The following PFKFB4 variants were observed in gnomAD, a reference collection of about 807,000 sequenced individuals.
PFKFB4 encodes the protein 6-phosphofructo-2-kinase/fructose-2,6-biphosphatase 4.
A neutral mutation model predicts 62.8 loss-of-function variants in PFKFB4; 42 were observed. That is an observed-to-expected ratio of 0.67 (90% confidence interval 0.52 to 0.86). The LOEUF (loss-of-function observed/expected upper bound fraction) is 0.86. Ranked by LOEUF, PFKFB4 falls within the 40% of genes least tolerant of loss-of-function variation. The pLI, the probability that PFKFB4 is intolerant of heterozygous loss-of-function variation, is 0.00. For missense variants in PFKFB4, 475 were observed against 627.2 expected (o/e 0.76, Z 2.59); for synonymous variants, 204 against 240.7 (o/e 0.85, Z 1.41).
At chr3:48,558,120 A>T (rs377003558), upstream of PFKFB4, among the ~76,000 whole-genome samples, 5 of 152,130 alleles carry the variant, frequency 3.3e-5, no homozygotes, top group Admixed American at 6.5e-5. Flanking sequence ...GCCTTTTACT[A>T]TATTTGTATC....
chr3:48,538,079 C>T (rs1256704652), intron 7 of PFKFB4, among the ~76,000 whole-genome samples: 1 of 152,290 alleles, frequency 6.6e-6, no homozygotes, highest in African/African-American at 2.4e-5. Flanking sequence ...TTTACTGGAA[C>T]ACAGCTATGC....
intron 9 of PFKFB4, among the ~76,000 whole-genome samples, chr3:48,529,553 C>G (rs1318493372): frequency 1.3e-5 from 2 of 152,162 alleles, no homozygotes; most frequent in African/African-American, 2.4e-5. Flanking sequence ...AGGGAAGACA[C>G]TGTCCTATAA....
rs1409244354 is a variant in PFKFB4, at chr3:48,519,423, C to T, written c.*324G>A. 1 of 326,552 alleles carries T rather than the reference C, an allele frequency of 3.1e-6. No individual in the cohort carries two copies. Among genetic ancestry groups the T allele is most frequent in the Non-Finnish European group, 5.7e-6 (1 of 174,358 alleles). 20.2% of individuals were successfully genotyped at this position (326,552 alleles called of 1,614,324 possible). ...TTTCACATTGTAGGGTTTCACACTT[C>T]ACAAAGCCAACTGAGCTGGCGAGAG... On this transcript the variant is annotated 3_prime_UTR_variant, in exon 14 of 14. Coordinates refer to ENST00000232375, the MANE Select transcript of PFKFB4 (RefSeq NM_004567.4).
upstream of PFKFB4, chr3:48,556,810 T>TA: frequency 4.4e-6 from 7 of 1,578,724 alleles, no homozygotes; most frequent in Non-Finnish European, 5.2e-6. The surrounding 1 kb of genome is among the most constrained non-coding windows in gnomAD (Gnocchi z 5.7). Flanking sequence ...CTGCGCCGCT[T>TA]CCAACCCAGC....
intron 9 of PFKFB4, among the ~76,000 whole-genome samples, chr3:48,527,141 C>T (rs2042288034): frequency 6.6e-6 from 1 of 152,070 alleles, no homozygotes; most frequent in Admixed American, 6.6e-5. Context: ...GGGAGCATGG[C>T]CCCGCTGACG....
intron 4 of PFKFB4, among the ~76,000 whole-genome samples, chr3:48,540,071 C>T (rs887639111): frequency 6.6e-6 from 1 of 152,226 alleles, no homozygotes; most frequent in Non-Finnish European, 1.5e-5. Flanking sequence ...CTGCTCTGCA[C>T]ACAGTGGGCA....
Position 48,519,785 on chromosome 3 carries a change from G to T in PFKFB4, c.1372C>A (p.Pro458Thr). The change falls in exon 14 of 14, where the codon CCA becomes ACA. Residue 458 changes from proline to threonine, a missense_variant. By Grantham distance (38) the Pro-to-Thr change is conservative. Coordinates refer to ENST00000232375, the MANE Select transcript of PFKFB4 (RefSeq NM_004567.4). ...RPQNVDISRP[P>T]EEALVTVPAH... ...GGCACCGTGACAAGGGCTTCCTCTG[G>T]AGGTCTTGAGATGTCCACGTTCTGT... The T allele has an allele frequency of 6.2e-7, 1 of 1,613,830 alleles. No homozygotes were observed. The highest frequency in any genetic ancestry group is 8.5e-7 in the Non-Finnish European group (1 of 1,179,802).
intron 4 of PFKFB4, among the ~76,000 whole-genome samples, chr3:48,542,165 T>C (rs2042820178): frequency 6.6e-6 from 1 of 151,528 alleles, no homozygotes; most frequent in Non-Finnish European, 1.5e-5. Flanking sequence ...AAACCCCATC[T>C]CTACTAAAAA....
At chr3:48,530,681 T>C (rs2042401010) in intron 9 of PFKFB4, among the ~76,000 whole-genome samples, 4 of 152,106 alleles carry the variant, frequency 2.6e-5, no homozygotes, top group Non-Finnish European at 5.9e-5. Context: ...AAAGCAAGTA[T>C]ATGCTTTTGT....
At chr3:48,530,369 C>G (rs1050011537) in intron 9 of PFKFB4, among the ~76,000 whole-genome samples, 1 of 152,162 alleles carries the variant, frequency 6.6e-6, no homozygotes, top group Non-Finnish European at 1.5e-5. Context: ...ACAACATCAT[C>G]TTTCCCAACA....
At chr3:48,533,556 T>C (rs959343917) in intron 9 of PFKFB4, among the ~76,000 whole-genome samples, 7 of 152,090 alleles carry the variant, frequency 4.6e-5, no homozygotes, top group African/African-American at 1.7e-4. Context: ...ACAACTATTA[T>C]TAAAAAAGGA....
At chr3:48,528,594 T>C (rs932455834) in intron 9 of PFKFB4, among the ~76,000 whole-genome samples, 1 of 152,074 alleles carries the variant, frequency 6.6e-6, no homozygotes, top group Non-Finnish European at 1.5e-5. Context: ...GCCCAGGAGA[T>C]GGAGGCTGCA....
upstream of PFKFB4, chr3:48,559,898 C>CACACACA (rs2043405687): frequency 2.6e-5 from 5 of 191,644 alleles, no homozygotes; most frequent in African/African-American, 8.3e-5. Context: ...AACCATCCCA[C>CACACACA]CACACACACA....
intron 1 of PFKFB4, among the ~76,000 whole-genome samples, chr3:48,555,852 T>C (rs778468689): frequency 4.6e-5 from 7 of 151,788 alleles, no homozygotes; most frequent in Non-Finnish European, 1.0e-4. Flanking sequence ...TGCAGTGAAC[T>C]ATGATCGCGC....
chr3:48,523,452 T>G, intron 12 of PFKFB4, 85 bp downstream of exon 12: 1 of 1,330,862 alleles, frequency 7.5e-7, no homozygotes, highest in Non-Finnish European at 1.1e-6. Flanking sequence ...AACACAATTT[T>G]CAAGGAATTC....
intron 7 of PFKFB4, chr3:48,536,701 C>T (rs2042630047): frequency 1.9e-6 from 1 of 526,010 alleles, no homozygotes; most frequent in African/African-American, 1.9e-5. Flanking sequence ...CGTCACTCAT[C>T]ATGCTTCCCA....
chr3:48,523,370 C>T (rs534452589), intron 12 of PFKFB4, among the ~76,000 whole-genome samples, 167 bp downstream of exon 12: 11 of 152,048 alleles, frequency 7.2e-5, no homozygotes, highest in Non-Finnish European at 1.2e-4. Context: ...GGTGACAAAG[C>T]GAGACTCCGT....
chr3:48,560,969 C>G (rs1250463879), upstream of PFKFB4: 1 of 648,914 alleles, frequency 1.5e-6, no homozygotes, highest in Non-Finnish European at 2.1e-6. Flanking sequence ...CCCCCCAACA[C>G]TCTCGCACCC....
At chr3:48,562,527 CT>C, upstream of PFKFB4, 1 of 533,594 alleles carries the variant, frequency 1.9e-6, no homozygotes, top group South Asian at 2.5e-5. This position sits in a 1 kb window ranked among gnomAD's most constrained non-coding sequence, Gnocchi z 4.3. Context: ...CATGGCAAGA[CT>C]CCATGTGGCA....
Sources: gnomAD v4.1 joint callset for allele counts (sites outside exome capture counted in the v4.1 genomes callset) on GRCh38, gnomAD v4.1.1 for gene constraint, Gnocchi (gnomAD v3.1) non-coding constraint, MANE v1.5 for transcripts, NCBI Gene and HGNC (gene_info 2026-07-23, HGNC 2026-07-21) for gene names.